PHF24: variants seen among roughly 807,000 people sequenced by gnomAD.
PHF24 encodes the protein PHD finger protein 24.
A neutral mutation model predicts 42.6 loss-of-function variants in PHF24; 25 were observed. The ratio of observed to expected loss-of-function variants is 0.59; its 90% CI spans 0.43 to 0.82. The LOEUF (loss-of-function observed/expected upper bound fraction) is 0.82, where lower values mean the gene tolerates loss of function less well. PHF24 is among the 40% of genes least tolerant of loss of function. PHF24 has a pLI of 0.00. For synonymous variants in PHF24, 185 were observed against 204.8 expected (o/e 0.90, Z 0.83); for missense variants, 470 against 538.1 (o/e 0.87, Z 1.25).
chr9:34,948,256 G>T, the PHF24 span, among the ~76,000 whole-genome samples: 2 of 151,862 alleles, frequency 1.3e-5, no homozygotes, highest in Middle Eastern at 3.4e-3. Context: ...ATTGAAAAGT[G>T]TATAAAGTTA....
the PHF24 span, among the ~76,000 whole-genome samples, chr9:34,680,454 C>A: frequency 1.3e-5 from 2 of 151,278 alleles, no homozygotes; most frequent in South Asian, 2.1e-4. Context: ...TTTGGGAGGC[C>A]GAGGCGGGTG....
At chr9:34,687,797 A>C in the PHF24 span, among the ~76,000 whole-genome samples, 11 of 152,212 alleles carry the variant, frequency 7.2e-5, no homozygotes, top group African/African-American at 2.7e-4. Context: ...CTGAGACACC[A>C]GCCTGCTGGG....
chr9:34,981,177 CCT>C (rs1366528761), exon 8 of PHF24: 12 of 152,390 alleles, frequency 7.9e-5, no homozygotes, highest in African/African-American at 2.6e-4. Context: ...GAGGACATTG[CCT>C]CTTTCTGCCC....
chr9:34,969,199 G>A (rs1016303580), intron 1 of PHF24, among the ~76,000 whole-genome samples: 2 of 152,230 alleles, frequency 1.3e-5, no homozygotes, highest in African/African-American at 4.8e-5. Flanking sequence ...GCTGAAGGAA[G>A]CACTGAAAGT....
intron 1 of PHF24, among the ~76,000 whole-genome samples, chr9:34,970,906 A>G (rs1259998482): frequency 1.3e-5 from 2 of 152,108 alleles, no homozygotes; most frequent in South Asian, 2.1e-4. Context: ...GGCTGGGGAA[A>G]TAGCCCTCAT....
At chr9:34,913,865 TG>T in the PHF24 span, among the ~76,000 whole-genome samples, 2 of 152,284 alleles carry the variant, frequency 1.3e-5, no homozygotes, top group African/African-American at 4.8e-5. Flanking sequence ...TTAATTTTTC[TG>T]GAGCATAAAC....
the PHF24 span, among the ~76,000 whole-genome samples, chr9:34,926,411 G>A: frequency 6.6e-6 from 1 of 152,162 alleles, no homozygotes; most frequent in Admixed American, 6.5e-5. The surrounding 1 kb of genome is among the most constrained non-coding windows in gnomAD (Gnocchi z 4.3). Flanking sequence ...CTGGTATATG[G>A]GTGCATAGCT....
chr9:34,966,553 C>T (rs1826774677), intron 1 of PHF24, among the ~76,000 whole-genome samples: 1 of 151,910 alleles, frequency 6.6e-6, no homozygotes, highest in Non-Finnish European at 1.5e-5. Context: ...TGCAGGAGTT[C>T]GAGACTAGCC....
chr9:34,838,338 G>C, the PHF24 span: 6 of 764,690 alleles, frequency 7.8e-6, no homozygotes, highest in East Asian at 1.6e-4. Context: ...TGGAATCATA[G>C]TGTTGCCCTA....
the PHF24 span, among the ~76,000 whole-genome samples, chr9:34,677,242 A>G: frequency 1.5e-3 from 227 of 152,078 alleles, 1 homozygote; most frequent in African/African-American, 5.4e-3. Flanking sequence ...TTATAAGTCC[A>G]TATTGGATTC....
the PHF24 span, among the ~76,000 whole-genome samples, chr9:34,783,446 G>A: frequency 3.9e-5 from 6 of 152,126 alleles, no homozygotes; most frequent in South Asian, 2.1e-4. Context: ...GCTTCAAAAC[G>A]ACCTCTTTTC....
the PHF24 span, among the ~76,000 whole-genome samples, chr9:34,702,490 T>A: frequency 6.6e-6 from 1 of 152,246 alleles, no homozygotes; most frequent in African/African-American, 2.4e-5. Context: ...TCTCAAAGAA[T>A]ATGGTAACAG....
At chr9:34,877,275 T>C in the PHF24 span, among the ~76,000 whole-genome samples, 13 of 131,180 alleles carry the variant, frequency 9.9e-5, no homozygotes, top group African/African-American at 3.6e-4. Flanking sequence ...AGCCAGACTC[T>C]GTCTCAAAAA....
At chr9:34,708,220 C>T in the PHF24 span, among the ~76,000 whole-genome samples, 3 of 152,086 alleles carry the variant, frequency 2.0e-5, no homozygotes, top group African/African-American at 7.2e-5. Flanking sequence ...TGATTCACAC[C>T]TGAATCCTGG....
the PHF24 span, among the ~76,000 whole-genome samples, chr9:34,876,718 C>G: frequency 3.3e-5 from 5 of 151,878 alleles, no homozygotes; most frequent in Non-Finnish European, 7.4e-5. Flanking sequence ...AAATTGAAAC[C>G]CTGGTGCATT....
intron 1 of PHF24, among the ~76,000 whole-genome samples, chr9:34,965,343 A>G (rs1826731069): frequency 6.6e-6 from 1 of 152,248 alleles, no homozygotes; most frequent in African/African-American, 2.4e-5. Flanking sequence ...AGTCAAAGTC[A>G]TGTCAATTCA....
chr9:34,769,219 G>A, the PHF24 span, among the ~76,000 whole-genome samples: 1 of 152,116 alleles, frequency 6.6e-6, no homozygotes, highest in East Asian at 1.9e-4. Context: ...AGGTTCAAGT[G>A]ATTTTCCTGC....
intron 3 of PHF24, among the ~76,000 whole-genome samples, chr9:34,972,784 C>T (rs1158946414): frequency 1.3e-5 from 2 of 151,872 alleles, no homozygotes; most frequent in African/African-American, 2.4e-5. Flanking sequence ...CGTGGTGGCA[C>T]GCGCCTGTAG....
the PHF24 span, chr9:34,691,371 C>T: frequency 2.0e-6 from 1 of 504,830 alleles, no homozygotes; most frequent in Non-Finnish European, 3.5e-6. Context: ...CCCCTGTTGC[C>T]CCCCTCTTTC....
Sources: allele counts gnomAD v4.1 joint callset (sites outside exome capture counted in the v4.1 genomes callset), GRCh38; gene constraint gnomAD v4.1.1; non-coding constraint Gnocchi (gnomAD v3.1); transcripts MANE v1.5; gene names NCBI Gene and HGNC (gene_info 2026-07-23, HGNC 2026-07-21).